The following PRTFDC1 variants were observed in gnomAD, a reference collection of about 807,000 sequenced individuals.
PRTFDC1 encodes phosphoribosyl transferase domain containing 1.
PRTFDC1 carries 38 observed loss-of-function variants against 34.6 expected under a neutral mutation model. The observed-to-expected ratio is 1.10, with a 90% CI of 0.85 to 1.44. The LOEUF (loss-of-function observed/expected upper bound fraction) is 1.44. PRTFDC1 is among the 40% of genes most tolerant of loss of function. The pLI is 0.00. For synonymous variants in PRTFDC1, 93 were observed against 98.1 expected, an observed-to-expected ratio of 0.95 and a Z score of 0.31; for missense variants, 270 against 283.0, an observed-to-expected ratio of 0.95 and a Z score of 0.33.
intron 7 of PRTFDC1, among the ~76,000 whole-genome samples, chr10:24,854,957 T>A (rs1476086053): frequency 6.6e-6 from 1 of 152,154 alleles, no homozygotes; most frequent in East Asian, 1.9e-4. Flanking sequence ...AAGGCGGGGA[T>A]CCTATGTGTC....
At chr10:24,885,796 A>C (rs1228656407) in intron 3 of PRTFDC1, among the ~76,000 whole-genome samples, 1 of 152,252 alleles carries the variant, frequency 6.6e-6, no homozygotes, top group South Asian at 2.1e-4. Context: ...CATCTATGCA[A>C]CGTATTACTA....
intron 3 of PRTFDC1, among the ~76,000 whole-genome samples, chr10:24,929,172 C>T (rs1848934225): frequency 6.6e-6 from 1 of 151,852 alleles, no homozygotes; most frequent in South Asian, 2.1e-4. Context: ...AAACTAAAGA[C>T]ACTGAACCTG....
intron 3 of PRTFDC1, among the ~76,000 whole-genome samples, chr10:24,875,846 G>GTTT (rs61379088): frequency 3.1e-5 from 3 of 96,728 alleles, no homozygotes; most frequent in Non-Finnish European, 5.8e-5. Context: ...AATTCTCATA[G>GTTT]TTTTTTTTTT....
At chr10:24,950,395 T>C (rs893704837) in intron 1 of PRTFDC1, among the ~76,000 whole-genome samples, 1 of 152,136 alleles carries the variant, frequency 6.6e-6, no homozygotes, top group Non-Finnish European at 1.5e-5. Context: ...CCAGTAAGCA[T>C]CTCCTTTCAG....
intron 3 of PRTFDC1, among the ~76,000 whole-genome samples, chr10:24,894,309 G>A (rs1255477814): frequency 2.8e-5 from 4 of 141,768 alleles, no homozygotes; most frequent in African/African-American, 7.9e-5. Flanking sequence ...CCAGACTGGC[G>A]ACAGAGCTAG....
intron 3 of PRTFDC1, among the ~76,000 whole-genome samples, chr10:24,875,712 C>T (rs1588584270): frequency 6.6e-6 from 1 of 152,056 alleles, no homozygotes; most frequent in African/African-American, 2.4e-5. Flanking sequence ...CTTTCATTCT[C>T]ATATGTAAGG....
intron 2 of PRTFDC1, among the ~76,000 whole-genome samples, chr10:24,938,403 G>A (rs550758966): frequency 6.6e-6 from 1 of 152,274 alleles, no homozygotes; most frequent in South Asian, 2.1e-4. Flanking sequence ...TGAAAACCCT[G>A]AACACTGGGT....
At chr10:24,886,471 G>C (rs1848165794) in intron 3 of PRTFDC1, among the ~76,000 whole-genome samples, 4 of 152,260 alleles carry the variant, frequency 2.6e-5, no homozygotes, top group Admixed American at 2.6e-4. Context: ...TGACCAACAG[G>C]TTCGGCAGCT....
At chr10:24,937,002 G>A (rs1047805013) in intron 3 of PRTFDC1, among the ~76,000 whole-genome samples, 182 bp downstream of exon 3, 3 of 152,032 alleles carry the variant, frequency 2.0e-5, no homozygotes, top group East Asian at 1.9e-4. Context: ...CCCACCCCAC[G>A]CCCTAAATAG....
chr10:24,890,675 T>G (rs1848245148), intron 3 of PRTFDC1, among the ~76,000 whole-genome samples: 1 of 152,190 alleles, frequency 6.6e-6, no homozygotes, highest in Non-Finnish European at 1.5e-5. Context: ...CCTGTCTGGC[T>G]CCTTTGCCCA....
intron 3 of PRTFDC1, among the ~76,000 whole-genome samples, chr10:24,907,480 C>G (rs1848555752): frequency 6.6e-6 from 1 of 152,106 alleles, no homozygotes; most frequent in Non-Finnish European, 1.5e-5. Context: ...CCTGTAGTCC[C>G]CATTACTCGG....
intron 4 of PRTFDC1, 32 bp from the exon 5 acceptor site, chr10:24,858,441 T>C: frequency 6.2e-7 from 1 of 1,610,548 alleles, no homozygotes; most frequent in Non-Finnish European, 8.5e-7. Context: ...TTTTAGAATG[T>C]GATGCCAATC....
chr10:24,870,291 A>G (rs113542154), intron 4 of PRTFDC1, among the ~76,000 whole-genome samples: 3,686 of 152,152 alleles, frequency 0.024, 152 homozygotes, highest in African/African-American at 0.083. Flanking sequence ...TATTTTTAGT[A>G]GAGACAGGGT....
chr10:24,870,151 C>T (rs553926687), intron 4 of PRTFDC1, among the ~76,000 whole-genome samples: 26 of 152,212 alleles, frequency 1.7e-4, no homozygotes, highest in Admixed American at 1.4e-3. Flanking sequence ...GTTCTGTCGC[C>T]CAGGCTGGAG....
chr10:24,891,190 G>A (rs968108415), intron 3 of PRTFDC1, among the ~76,000 whole-genome samples: 3 of 152,172 alleles, frequency 2.0e-5, no homozygotes, highest in East Asian at 1.9e-4. Context: ...ATTCAGAATC[G>A]ATTTATTCTT....
At chr10:24,898,279 G>A (rs1356907353) in intron 3 of PRTFDC1, among the ~76,000 whole-genome samples, 38 of 98,680 alleles carry the variant, frequency 3.9e-4, no homozygotes, top group African/African-American at 7.1e-4. Flanking sequence ...GGGAAATCCC[G>A]TCTCTACAAA....
chr10:24,942,911 G>A (rs1446191386), intron 1 of PRTFDC1, among the ~76,000 whole-genome samples: 1 of 152,156 alleles, frequency 6.6e-6, no homozygotes, highest in Non-Finnish European at 1.5e-5. Flanking sequence ...GCTTCCTAAA[G>A]TGCTAGGTTT....
At chr10:24,927,148 A>G (rs1848889510) in intron 3 of PRTFDC1, among the ~76,000 whole-genome samples, 1 of 152,178 alleles carries the variant, frequency 6.6e-6, no homozygotes, top group Admixed American at 6.5e-5. Flanking sequence ...ATGCTAGATG[A>G]TCTCTTTTTA....
At chr10:24,856,253 G>A (rs1168896625) in intron 6 of PRTFDC1, among the ~76,000 whole-genome samples, 4 of 150,652 alleles carry the variant, frequency 2.7e-5, no homozygotes, top group African/African-American at 7.3e-5. Flanking sequence ...TGGGCTGGGC[G>A]ACAGAGCAAG....
Sources: gnomAD v4.1 joint callset for allele counts (sites outside exome capture counted in the v4.1 genomes callset) on GRCh38, gnomAD v4.1.1 for gene constraint, MANE v1.5 for transcripts, NCBI Gene and HGNC (gene_info 2026-07-23, HGNC 2026-07-21) for gene names.